SFTPD: variants seen among roughly 807,000 people sequenced by gnomAD.
SFTPD encodes pulmonary surfactant-associated protein D.
In SFTPD, 18 loss-of-function variants were observed where a neutral mutation model predicts 34.6. The observed-to-expected ratio is 0.52, with a 90% confidence interval of 0.36 to 0.77. The LOEUF (loss-of-function observed/expected upper bound fraction) is 0.77. SFTPD is among the 30% of genes least tolerant of loss of function. The pLI is 0.00. For synonymous variants in SFTPD, 155 were observed against 180.9 expected, an observed-to-expected ratio of 0.86 and a Z score of 1.15; for missense variants, 433 against 468.9, an observed-to-expected ratio of 0.92 and a Z score of 0.71.
chr10:79,957,702 T>C (rs977804737), intron 1 of SFTPD, among the ~76,000 whole-genome samples: 10 of 152,228 alleles, frequency 6.6e-5, no homozygotes, highest in Non-Finnish European at 1.2e-4. Context: ...ACATGGAGAA[T>C]GGAACCAAGC....
intron 5 of SFTPD, 42 bp downstream of exon 5, chr10:79,941,912 G>A: frequency 7.6e-7 from 1 of 1,318,342 alleles, no homozygotes; most frequent in Non-Finnish European, 1.1e-6. Flanking sequence ...GCAGGCACAG[G>A]AGAACTGGAC....
chr10:79,954,662 G>A (rs1016708714), intron 1 of SFTPD, among the ~76,000 whole-genome samples: 1 of 152,156 alleles, frequency 6.6e-6, no homozygotes, highest in Non-Finnish European at 1.5e-5. Context: ...GCAGGAGGTG[G>A]AGCTGTTTGA....
chr10:79,966,260 TTAA>T (rs1222408692), intron 1 of SFTPD, among the ~76,000 whole-genome samples: 1 of 23,186 alleles, frequency 4.3e-5, no homozygotes, highest in African/African-American at 3.5e-4. Flanking sequence ...TCCTGACTTT[TTAA>T]TGATTGCCAT....
At chr10:79,942,666 C>T in intron 3 of SFTPD, 97 bp downstream of exon 3, 7 of 1,004,784 alleles carry the variant, frequency 7.0e-6, no homozygotes, top group Non-Finnish European at 1.1e-5. Flanking sequence ...CTTCAGACAA[C>T]CTTCTTCCTG....
chr10:79,971,593 T>C lies in SFTPD; in HGVS notation c.36+10982A>G, dbSNP rs566072318. On this transcript the variant is annotated intron_variant, in intron 1 of 5. Transcript: ENST00000444384. ...TCTTGGTTCAATCTTGGTGGTTGTA[T>C]GTGTCCAGAAATTTTTCCATTTCCA... 8 of 152,336 alleles carry C rather than the reference T, an allele frequency of 5.3e-5. No homozygotes were observed. In the South Asian group the frequency reaches 1.7e-3, roughly 32 times the overall value. 9.4% of individuals were successfully genotyped at this position (152,336 alleles called of 1,614,324 possible).
chr10:79,941,451 C>A lies in SFTPD; in HGVS notation c.614G>T (p.Gly205Val). Residue 205 changes from glycine (G) to valine (V), a missense_variant, in exon 6 of 8, where the codon GGG becomes GTG. By Grantham distance (109) the Gly-to-Val change is moderately radical (BLOSUM62 -3). Transcript: ENST00000372292. ...PGARGPPGLK[G>V]DKGIPGDKGA... ...TTTGTCTCCAGGAATGCCTTTGTCC[C>A]CCTTCAATCCCGGGGGTCCCCTGGC... 1 of 1,613,734 alleles carries A rather than the reference C, an allele frequency of 6.2e-7. No individual in the cohort carries two copies. Among genetic ancestry groups the A allele is most frequent in the Non-Finnish European group, 8.5e-7 (1 of 1,179,766 alleles).
upstream of SFTPD, among the ~76,000 whole-genome samples, chr10:79,949,819 C>G (rs1287642811): frequency 6.6e-6 from 1 of 151,458 alleles, no homozygotes; most frequent in Non-Finnish European, 1.5e-5. Context: ...GACCCCTGAG[C>G]TGATGCTACT....
At chr10:79,948,350 G>A (rs879836631) in intron 1 of SFTPD, among the ~76,000 whole-genome samples, 1 of 152,222 alleles carries the variant, frequency 6.6e-6, no homozygotes, top group African/African-American at 2.4e-5. Context: ...TGGCACAGAA[G>A]GCACCAGCAG....
At chr10:79,940,572 A>G (rs745651032) in intron 7 of SFTPD, 133 bp downstream of exon 7, 1 of 635,314 alleles carries the variant, frequency 1.6e-6, no homozygotes, top group Admixed American at 2.3e-5. Flanking sequence ...GCTCATTCCC[A>G]TCCTAGACCC....
upstream of SFTPD, among the ~76,000 whole-genome samples, chr10:79,952,817 G>A (rs1842718013): frequency 6.6e-6 from 1 of 152,188 alleles, no homozygotes; most frequent in South Asian, 2.1e-4. Flanking sequence ...GTGCCTGCAT[G>A]AGCTGGCCAC....
intron 1 of SFTPD, among the ~76,000 whole-genome samples, chr10:79,978,995 GTA>G (rs1274547215): frequency 6.6e-6 from 1 of 152,094 alleles, no homozygotes; most frequent in Non-Finnish European, 1.5e-5. Flanking sequence ...AATAAATTCG[GTA>G]AAGTTTCAGG....
chr10:79,947,952 G>A (rs1441722617), intron 1 of SFTPD, among the ~76,000 whole-genome samples: 2 of 152,254 alleles, frequency 1.3e-5, no homozygotes, highest in African/African-American at 2.4e-5. Flanking sequence ...CAAAGCCAGA[G>A]GGACTTGTGC....
At chr10:79,952,832 T>C (rs1842718115), upstream of SFTPD, among the ~76,000 whole-genome samples, 1 of 152,302 alleles carries the variant, frequency 6.6e-6, no homozygotes, top group East Asian at 1.9e-4. Flanking sequence ...GGCCACCCAA[T>C]GCTCTGCCCT....
chr10:79,981,594 A>AC (rs770718485), intron 1 of SFTPD, among the ~76,000 whole-genome samples: 8 of 152,002 alleles, frequency 5.3e-5, no homozygotes, highest in Non-Finnish European at 1.2e-4. Flanking sequence ...AGCGCGCAGC[A>AC]CCCCTCCCTC....
At chr10:79,948,038 T>C (rs1350350818) in intron 1 of SFTPD, among the ~76,000 whole-genome samples, 1 of 152,238 alleles carries the variant, frequency 6.6e-6, no homozygotes, top group Non-Finnish European at 1.5e-5. Flanking sequence ...CCTTCTTCTT[T>C]GACTGCTGGT....
intron 1 of SFTPD, chr10:79,972,839 C>A (rs1842843207): frequency 6.6e-6 from 1 of 152,176 alleles, no homozygotes; most frequent in African/African-American, 2.4e-5. Flanking sequence ...AAAAGTCAAA[C>A]CTGAAGGCGG....
chr10:79,973,793 A>G (rs1459918200), intron 1 of SFTPD, among the ~76,000 whole-genome samples: 1 of 152,146 alleles, frequency 6.6e-6, no homozygotes, highest in South Asian at 2.1e-4. Context: ...CATAGCTTGC[A>G]TCTACAAAGG....
intron 1 of SFTPD, among the ~76,000 whole-genome samples, chr10:79,976,642 A>C (rs1842865590): frequency 6.6e-6 from 1 of 152,038 alleles, no homozygotes; most frequent in Non-Finnish European, 1.5e-5. Flanking sequence ...GAAGCTTTCC[A>C]CCTCCCCCTT....
At chr10:79,961,381 T>G (rs545441384) in intron 1 of SFTPD, among the ~76,000 whole-genome samples, 4 of 152,130 alleles carry the variant, frequency 2.6e-5, no homozygotes, top group African/African-American at 9.6e-5. Flanking sequence ...GGGACAAAAT[T>G]TTTGCAACCT....
Sources: gnomAD v4.1 joint callset for allele counts (sites outside exome capture counted in the v4.1 genomes callset) on GRCh38, gnomAD v4.1.1 for gene constraint, MANE v1.5 for transcripts, NCBI Gene and HGNC (gene_info 2026-07-23, HGNC 2026-07-21) for gene names.